The following STPG2 variants were observed in gnomAD, a reference collection of about 807,000 sequenced individuals.
STPG2 encodes sperm tail PG-rich repeat containing 2.
STPG2 carries 56 observed loss-of-function variants against 54.2 expected under a neutral mutation model. That is an observed-to-expected ratio of 1.03 (90% CI 0.83 to 1.29). The LOEUF is 1.29. STPG2 is among the 50% of genes most tolerant of loss of function. The probability of loss-of-function intolerance (pLI) is 0.00; values close to 1 mark genes in which losing one functional copy is unlikely to be tolerated. For missense variants in STPG2, 596 were observed against 544.9 expected, an observed-to-expected ratio of 1.09 and a Z score of -0.93; for synonymous variants, 200 against 181.8, an observed-to-expected ratio of 1.10 and a Z score of -0.81.
intron 8 of STPG2, among the ~76,000 whole-genome samples, chr4:97,877,102 A>G (rs1730203945): frequency 6.6e-6 from 1 of 152,326 alleles, no homozygotes; most frequent in South Asian, 2.1e-4. Flanking sequence ...TGGTAATAAC[A>G]TTTAAAATCT....
At chr4:98,043,555 A>T (rs1408463722) in intron 5 of STPG2, among the ~76,000 whole-genome samples, 1 of 152,016 alleles carries the variant, frequency 6.6e-6, no homozygotes, top group Non-Finnish European at 1.5e-5. Flanking sequence ...GGCTGATAAC[A>T]ATGTAACTTC....
chr4:97,571,694 T>C (rs752822879), intron 10 of STPG2, among the ~76,000 whole-genome samples: 1 of 152,154 alleles, frequency 6.6e-6, no homozygotes, highest in Non-Finnish European at 1.5e-5. Context: ...ATTTCTTAAA[T>C]GTATTTGATA....
intron 4 of STPG2, among the ~76,000 whole-genome samples, chr4:97,551,250 G>C (rs1164419690): frequency 1.3e-5 from 2 of 152,088 alleles, no homozygotes; most frequent in African/African-American, 4.8e-5. Flanking sequence ...AGGAAGCCCA[G>C]CTGGCTTCAC....
chr4:97,561,970 CTGTGAAGAAAGTCAT>C (rs1732262539), intron 10 of STPG2, among the ~76,000 whole-genome samples: 1 of 152,066 alleles, frequency 6.6e-6, no homozygotes, highest in Non-Finnish European at 1.5e-5. Context: ...TTTTCCAATT[CTGTGAAGAAAGTCAT>C]TGGTAGCTTG....
At chr4:98,103,281 T>C (rs1739098263) in intron 5 of STPG2, among the ~76,000 whole-genome samples, 1 of 152,158 alleles carries the variant, frequency 6.6e-6, no homozygotes, top group African/African-American at 2.4e-5. Flanking sequence ...CACTTATTAA[T>C]AGTAATAAAA....
At chr4:97,953,905 A>G (rs1011789651) in intron 7 of STPG2, among the ~76,000 whole-genome samples, 1 of 152,216 alleles carries the variant, frequency 6.6e-6, no homozygotes, top group Non-Finnish European at 1.5e-5. Context: ...GAGAATTGCT[A>G]TACACTATTT....
chr4:97,933,937 C>A (rs1163490824), intron 8 of STPG2, among the ~76,000 whole-genome samples: 3 of 152,166 alleles, frequency 2.0e-5, no homozygotes, highest in Non-Finnish European at 4.4e-5. Context: ...AGCATTGAAT[C>A]TATAAATTAC....
intron 9 of STPG2, 95 bp from the exon 10 acceptor site, chr4:97,712,909 A>C (rs975996290): frequency 1.4e-6 from 1 of 735,820 alleles, no homozygotes; most frequent in Non-Finnish European, 2.1e-6. Flanking sequence ...TTAATGTATA[A>C]AATTAGCATG....
chr4:97,538,619 C>G (rs1410369157), intron 4 of STPG2, among the ~76,000 whole-genome samples: 1 of 152,182 alleles, frequency 6.6e-6, no homozygotes, highest in Non-Finnish European at 1.5e-5. Flanking sequence ...AAACACTCTA[C>G]AGCATATTAT....
At chr4:97,641,742 A>G (rs1388022585) in intron 10 of STPG2, among the ~76,000 whole-genome samples, 3 of 151,554 alleles carry the variant, frequency 2.0e-5, no homozygotes, top group Admixed American at 6.6e-5. Flanking sequence ...ATAATAAAAA[A>G]GGAAATTCAT....
intron 8 of STPG2, among the ~76,000 whole-genome samples, chr4:97,905,901 A>G (rs1183930044): frequency 6.6e-6 from 1 of 152,244 alleles, no homozygotes; most frequent in Admixed American, 6.5e-5. Flanking sequence ...CTAAATGCCC[A>G]CAAGAGAAAG....
intron 7 of STPG2, among the ~76,000 whole-genome samples, chr4:97,960,701 C>CA (rs1361857386): frequency 6.6e-6 from 1 of 151,872 alleles, no homozygotes; most frequent in Admixed American, 6.6e-5. Flanking sequence ...TCATAGACCA[C>CA]AAAAAACAAA....
chr4:97,796,089 T>C (rs1727166141), intron 9 of STPG2, among the ~76,000 whole-genome samples: 1 of 152,236 alleles, frequency 6.6e-6, no homozygotes, highest in Admixed American at 6.5e-5. Context: ...CTTTGTAGAT[T>C]CTGGATATTA....
At chr4:97,852,332 C>G (rs1405991934) in intron 8 of STPG2, among the ~76,000 whole-genome samples, 1 of 152,060 alleles carries the variant, frequency 6.6e-6, no homozygotes, top group South Asian at 2.1e-4. Flanking sequence ...AAATAGGGAC[C>G]ATTTTAAGGT....
intron 3 of STPG2, among the ~76,000 whole-genome samples, chr4:98,127,125 GA>G (rs1739854125): frequency 6.6e-6 from 1 of 151,912 alleles, no homozygotes; most frequent in African/African-American, 2.4e-5. Flanking sequence ...AATATGTAAT[GA>G]AGGTTTAATG....
At chr4:98,034,443 A>C (rs1477260321) in intron 5 of STPG2, among the ~76,000 whole-genome samples, 1 of 152,194 alleles carries the variant, frequency 6.6e-6, no homozygotes, top group Non-Finnish European at 1.5e-5. Context: ...TCAAGGAAAT[A>C]AGAGAGGACA....
intron 4 of STPG2, among the ~76,000 whole-genome samples, chr4:97,443,930 T>C (rs56276809): frequency 0.011 from 1,602 of 152,266 alleles, 24 homozygotes; most frequent in African/African-American, 0.036. Context: ...AATAAAATGC[T>C]TAACAAAATT....
intron 9 of STPG2, among the ~76,000 whole-genome samples, chr4:97,800,934 C>A (rs985741982): frequency 2.0e-5 from 3 of 152,196 alleles, no homozygotes; most frequent in Non-Finnish European, 2.9e-5. Context: ...TCTCAGACTG[C>A]TGTGCTAGCA....
intron 5 of STPG2, among the ~76,000 whole-genome samples, chr4:98,085,869 A>T (rs1738487865): frequency 6.6e-6 from 1 of 152,086 alleles, no homozygotes; most frequent in African/African-American, 2.4e-5. Flanking sequence ...TAAAATTATC[A>T]CATCCATACA....
Sources: gnomAD v4.1 joint callset for allele counts (sites outside exome capture counted in the v4.1 genomes callset) on GRCh38, gnomAD v4.1.1 for gene constraint, MANE v1.5 for transcripts, NCBI Gene and HGNC (gene_info 2026-07-23, HGNC 2026-07-21) for gene names.